Variants in ZNF41 observed in about 807,000 individuals in gnomAD.
ZNF41 encodes zinc finger protein 41.
Under a neutral mutation model 9.3 loss-of-function variants are expected in ZNF41, and 6 were observed. The observed-to-expected ratio is 0.65, with a 90% CI of 0.35 to 1.28. ZNF41 has a LOEUF of 1.28. Ranked by LOEUF, ZNF41 falls within the 50% of genes most tolerant of loss-of-function variation. ZNF41 has a pLI of 0.03. For missense variants in ZNF41, 523 were observed against 585.8 expected, an observed-to-expected ratio of 0.89 and a Z score of 1.11; for synonymous variants, 192 against 207.1, an observed-to-expected ratio of 0.93 and a Z score of 0.63.
At chrX:47,464,545 A>C (rs989223615) in intron 2 of ZNF41, among the ~76,000 whole-genome samples, 1 of 112,116 alleles carries the variant, frequency 8.9e-6, no homozygotes, top group African/African-American at 3.2e-5. Flanking sequence ...TAAATAAGTC[A>C]ATAAATAATA....
intron 1 of ZNF41, among the ~76,000 whole-genome samples, chrX:47,468,858 G>A (rs1309536375): frequency 4.5e-5 from 5 of 110,952 alleles, no homozygotes; most frequent in African/African-American, 9.8e-5. Flanking sequence ...GAACCAACAC[G>A]TCATTTACAA....
At chrX:47,457,565 G>A (rs780059502) in intron 2 of ZNF41, among the ~76,000 whole-genome samples, 5 of 111,112 alleles carry the variant, frequency 4.5e-5, no homozygotes, top group South Asian at 7.4e-4. Flanking sequence ...TTGGCTGGGC[G>A]CAGTGGCTCA....
intron 1 of ZNF41, among the ~76,000 whole-genome samples, chrX:47,481,034 C>G (rs956857501): frequency 9.0e-6 from 1 of 111,299 alleles, no homozygotes; most frequent in South Asian, 3.7e-4. Flanking sequence ...AAAATGTCAA[C>G]GTTTTGGGAA....
chrX:47,478,827 G>A (rs2057403454), intron 1 of ZNF41, among the ~76,000 whole-genome samples: 1 of 110,083 alleles, frequency 9.1e-6, no homozygotes. Context: ...CAGCTACTTG[G>A]GAGGCTGAGG....
At chrX:47,457,238 C>T (rs1164966361) in intron 2 of ZNF41, among the ~76,000 whole-genome samples, 3 of 109,907 alleles carry the variant, frequency 2.7e-5, no homozygotes, top group South Asian at 7.8e-4. Flanking sequence ...GGTAAAGCCC[C>T]GTCTCTACTA....
chrX:47,454,765 T>C (rs1486600301), intron 4 of ZNF41, among the ~76,000 whole-genome samples: 1 of 110,189 alleles, frequency 9.1e-6, no homozygotes, highest in South Asian at 3.7e-4. Flanking sequence ...ACCATAGGAA[T>C]GAGTGAAAAA....
chrX:47,459,129 C>T (rs927532125), intron 2 of ZNF41, among the ~76,000 whole-genome samples: 3 of 108,832 alleles, frequency 2.8e-5, no homozygotes, highest in Non-Finnish European at 3.8e-5. Context: ...GCAGGTGGAT[C>T]ACTTGAGGTC....
At chrX:47,464,084 AC>A (rs1293165688) in intron 2 of ZNF41, among the ~76,000 whole-genome samples, 1 of 110,710 alleles carries the variant, frequency 9.0e-6, no homozygotes, top group Admixed American at 9.7e-5. Context: ...CCCTCTGGAT[AC>A]TGACTGCTCC....
At chrX:47,478,092 AG>A (rs746894091) in intron 1 of ZNF41, among the ~76,000 whole-genome samples, 1 of 112,267 alleles carries the variant, frequency 8.9e-6, no homozygotes, top group South Asian at 3.7e-4. Flanking sequence ...GGCTGAGAGG[AG>A]GGGGTAATAA....
Position 47,447,393 on chromosome X carries a change from A to T in ZNF41, c.*37T>A, listed in dbSNP as rs774693268. 4.1e-6 allele frequency: 5 copies of T among 1,205,528 alleles called. No homozygotes were observed. In the Admixed American group the frequency reaches 1.1e-4, roughly 26 times the overall value. ...CCTCCTCCCTGCTATTAGATACCTG[A>T]TGCATACCCAGTTGTGATTTCCAGG... On this transcript the variant is annotated 3_prime_UTR_variant, in exon 5 of 5. Transcript: ENST00000684689.
In ZNF41 at chrX:47,447,933, C is replaced by T. The variant is rs751561510; in HGVS notation, c.1837G>A (p.Gly613Arg). The change falls in exon 5 of 5, where the codon GGG (glycine) becomes AGG (arginine). Residue 613 changes from glycine (G) to arginine (R), a missense_variant. Gly to Arg is a moderately radical substitution (Grantham distance 125). Coordinates refer to ENST00000684689, the MANE Select transcript of ZNF41 (RefSeq NM_001324144.2). ...TGCGATTTCTGGATAAAGGCCTTCC[C>T]GCATTCAGGACAAACGTACGGTTTC... is the stretch of plus-strand genomic sequence containing the variant. ...GEKPYVCPECGKAFIQKSHFI... is the reference protein window; with the variant it reads ...GEKPYVCPECRKAFIQKSHFI... 5.8e-6 allele frequency: 7 copies of T among 1,209,702 alleles called. No homozygotes were observed. The highest frequency in any genetic ancestry group is 3.5e-5 in the African/African-American group (2 of 57,073).
intron 1 of ZNF41, among the ~76,000 whole-genome samples, chrX:47,472,427 T>C (rs1041081704): frequency 7.7e-5 from 8 of 103,463 alleles, no homozygotes; most frequent in Non-Finnish European, 7.9e-5. Flanking sequence ...TTTAAAAACA[T>C]GGCTTCTTTT....
chrX:47,460,640 A>G (rs181224657), intron 2 of ZNF41, among the ~76,000 whole-genome samples: 1 of 112,315 alleles, frequency 8.9e-6, no homozygotes, highest in African/African-American at 3.2e-5. Flanking sequence ...GCTTTAATAA[A>G]CATAAAAAAA....
chrX:47,469,290 G>A (rs367996725), intron 1 of ZNF41, among the ~76,000 whole-genome samples: 200 of 71,605 alleles, frequency 2.8e-3, no homozygotes, highest in South Asian at 4.9e-3. Flanking sequence ...CAGCCTGGGC[G>A]ACAGAGCGAG....
rs181962328 is a variant in ZNF41, at chrX:47,478,805, C to T, written c.-280+4290G>A. Among the ~76,000 whole-genome samples the T allele has an allele frequency of 2.2e-3, 243 of 109,624 alleles. 1 individual carries two copies. The highest frequency in any genetic ancestry group is 7.7e-3 in the African/African-American group (233 of 30,127). ...AAAGCTAGCCGGGCGTGGTGGCAGG[C>T]GCCTGTAATCGCAGCTACTTGGGAG... On this transcript the variant is annotated intron_variant, in intron 1 of 4. Coordinates refer to ENST00000684689, the MANE Select transcript of ZNF41 (RefSeq NM_001324144.2).
intron 2 of ZNF41, among the ~76,000 whole-genome samples, chrX:47,461,478 T>G (rs1237579905): frequency 1.9e-5 from 2 of 107,450 alleles, no homozygotes; most frequent in Non-Finnish European, 3.9e-5. Context: ...TGGTGCAATC[T>G]TGGCTCACTG....
chrX:47,474,725 G>A (rs1715434264), intron 1 of ZNF41, among the ~76,000 whole-genome samples: 1 of 106,856 alleles, frequency 9.4e-6, no homozygotes, highest in South Asian at 4.2e-4. Context: ...AAAAAATTTA[G>A]AAAGTAGCCA....
chrX:47,457,997 TAGGA>T (rs758227394), intron 2 of ZNF41, among the ~76,000 whole-genome samples: 60 of 111,945 alleles, frequency 5.4e-4, no homozygotes, highest in African/African-American at 1.8e-3. Flanking sequence ...GCTAGTAGAT[TAGGA>T]AGGGAGTGGG....
intron 1 of ZNF41, among the ~76,000 whole-genome samples, chrX:47,480,108 G>A (rs887875151): frequency 9.0e-6 from 1 of 110,611 alleles, no homozygotes; most frequent in Non-Finnish European, 1.9e-5. Context: ...AAAAAAAAAA[G>A]AAGAAGAATA....
Sources: allele counts gnomAD v4.1 joint callset (sites outside exome capture counted in the v4.1 genomes callset), GRCh38; gene constraint gnomAD v4.1.1; transcripts MANE v1.5; gene names NCBI Gene and HGNC (gene_info 2026-07-23, HGNC 2026-07-21).